NT5C1B: variants seen among roughly 807,000 people sequenced by gnomAD.
NT5C1B encodes cytosolic 5'-nucleotidase 1B.
A neutral mutation model predicts 57.8 loss-of-function variants in NT5C1B; 44 were observed. The ratio of observed to expected loss-of-function variants is 0.76; its 90% CI spans 0.60 to 0.98. The LOEUF (loss-of-function observed/expected upper bound fraction) is 0.98, where lower values mean the gene tolerates loss of function less well. NT5C1B is among the 50% of genes least tolerant of loss of function. NT5C1B has a pLI of 0.00. For missense variants in NT5C1B, 742 were observed against 719.5 expected, an observed-to-expected ratio of 1.03 and a Z score of -0.36; for synonymous variants, 284 against 282.6, an observed-to-expected ratio of 1.00 and a Z score of -0.05.
chr2:18,586,646 TC>T, intron 2 of NT5C1B: 2 of 599,740 alleles, frequency 3.3e-6, no homozygotes, highest in East Asian at 3.0e-5. Context: ...ACATATTTTT[TC>T]ACTGTGACTC....
At chr2:18,576,064 G>GT in intron 8 of NT5C1B, 120 bp downstream of exon 8, 1 of 1,078,236 alleles carries the variant, frequency 9.3e-7, no homozygotes, top group Non-Finnish European at 1.3e-6. Context: ...AGATAAGACA[G>GT]TAAGAAGGAG....
Position 18,584,889 on chromosome 2 carries a change from C to G in NT5C1B, c.348G>C (p.Ser116=). 6.3e-7 allele frequency: 1 copy of G among 1,580,460 alleles called. No homozygotes were observed. Among genetic ancestry groups the G allele is most frequent in the Non-Finnish European group, 8.6e-7 (1 of 1,167,276 alleles). The stretch of plus-strand genomic sequence containing the variant: ...GCTGGGGCGACGCGGGTGGCTGGAG[C>G]GAGGGCTGCCCGGACAGCGGCGGCG... The change falls in exon 4 of 9, where the codon TCG becomes TCC. Residue 116 remains serine, a synonymous_variant. Transcript: ENST00000304081. The surrounding 1 kb of genome is among the most constrained non-coding windows in gnomAD (Gnocchi z 5.8).
Position 18,576,375 on chromosome 2 carries a change from G to T in NT5C1B, c.1145-7C>A. The T allele has an allele frequency of 6.2e-7, 1 of 1,608,480 alleles. No homozygotes were observed. The highest frequency in any genetic ancestry group is 8.5e-7 in the Non-Finnish European group (1 of 1,178,334). ...ATTGTCGCAGAGGCAATACCTGATAGATCATGGAGACTGATTAATACTCTT... is the reference window on the plus strand; with the variant it reads ...ATTGTCGCAGAGGCAATACCTGATATATCATGGAGACTGATTAATACTCTT... On this transcript the variant is annotated splice_polypyrimidine_tract_variant and splice_region_variant and intron_variant, in intron 7 of 8. Transcript: ENST00000304081.
chr2:18,587,410 G>A, intron 2 of NT5C1B, 93 bp downstream of exon 2: 1 of 1,561,892 alleles, frequency 6.4e-7, no homozygotes, highest in Non-Finnish European at 8.6e-7. Context: ...TCAACAGCTT[G>A]GTCTTCTCTC....
rs534126482 is a variant in NT5C1B at position 18,583,083 on chromosome 2, C to T, written c.892-86G>A. On this transcript the variant is annotated intron_variant, in intron 5 of 8. Transcript: ENST00000304081. ...CGGAGAGGAAGCATCTCATCAGAGTCAAATTCAAGCTCTGAAGAATCTTCA... is the reference window on the plus strand; with the variant it reads ...CGGAGAGGAAGCATCTCATCAGAGTTAAATTCAAGCTCTGAAGAATCTTCA... The T allele has an allele frequency of 5.2e-5, 77 of 1,487,136 alleles. No individual in the cohort carries two copies. The African/African-American group carries it at 8.8e-4, about 17-fold the overall frequency. The allele number at this position is 1,487,136 out of a possible 1,614,324, so 92.1% of individuals were successfully genotyped here. A position where few individuals can be genotyped will look rare whatever the true frequency, so the allele number is the denominator to read the frequency against.
chr2:18,588,963 C>G (rs1666964396), intron 1 of NT5C1B, among the ~76,000 whole-genome samples: 1 of 152,192 alleles, frequency 6.6e-6, no homozygotes, highest in Admixed American at 6.5e-5. Flanking sequence ...ATGGTCTCCT[C>G]TTCTCTCCTG....
chr2:18,585,281 A>G, intron 3 of NT5C1B: 1 of 639,190 alleles, frequency 1.6e-6, no homozygotes, highest in Non-Finnish European at 2.9e-6. Context: ...CAGCTGACAC[A>G]TGGTTTGCAA....
In NT5C1B at chr2:18,579,415, C is replaced by T. The variant is rs530413746; in HGVS notation, c.1022-2520G>A. Among the ~76,000 whole-genome samples the T allele has an allele frequency of 2.6e-5, 4 of 152,224 alleles. No homozygotes were observed. The South Asian group carries it at 8.3e-4, about 32-fold the overall frequency. On this transcript the variant is annotated intron_variant, in intron 6 of 8. Transcript: ENST00000304081. ...TACTACAAAGATACAATAACTAAAACAGCATGGTGCCGGTATAAAAACAGA... is the reference window on the plus strand; with the variant it reads ...TACTACAAAGATACAATAACTAAAATAGCATGGTGCCGGTATAAAAACAGA...
intron 2 of NT5C1B, 187 bp downstream of exon 2, chr2:18,587,316 A>T: frequency 6.8e-7 from 1 of 1,475,254 alleles, no homozygotes; most frequent in Non-Finnish European, 9.0e-7. Flanking sequence ...ACACTAGGGT[A>T]TGGATGGAGG....
At chr2:18,589,399 C>T (rs373567535) in intron 1 of NT5C1B, 40 bp downstream of exon 1, 2 of 1,613,924 alleles carry the variant, frequency 1.2e-6, no homozygotes, top group East Asian at 2.2e-5. Context: ...CACATTTCTT[C>T]AGCCCCATGG....
exon 3 of NT5C1B, chr2:18,586,267 T>C (rs754669805): frequency 5.6e-6 from 9 of 1,614,134 alleles, no homozygotes; most frequent in Non-Finnish European, 7.6e-6. Context: ...AGCACTGGTG[T>C]TCCTGCTTCT....
rs200718134 is a variant in NT5C1B at position 18,584,045 on chromosome 2, G to A, written c.891+43C>T. On this transcript the variant is annotated intron_variant, in intron 5 of 8. Coordinates refer to ENST00000304081, the Ensembl canonical transcript of NT5C1B. The surrounding 1 kb of genome is among the most constrained non-coding windows in gnomAD (Gnocchi z 5.8). ...AAGGGTTGGCCTGGGTCCCTCCCTC[G>A]CCATCGAGTGTCCTGGCGGGCCAAA... 4.4e-5 allele frequency: 71 copies of A among 1,614,020 alleles called. No individual in the cohort carries two copies. The Admixed American group carries it at 9.2e-4, about 21-fold the overall frequency.
At chr2:18,564,434 T>C (rs180769242) in intron 8 of NT5C1B, among the ~76,000 whole-genome samples, 142 of 152,352 alleles carry the variant, frequency 9.3e-4, no homozygotes, top group African/African-American at 3.3e-3. Context: ...AAACTATCCA[T>C]GGTAAGCTGG....
In NT5C1B at chr2:18,567,421, AG is replaced by A. The variant is rs148598017; in HGVS notation, c.1330-3303del. On this transcript the variant is annotated intron_variant, in intron 8 of 8. Transcript: ENST00000304081. ...TATTGGCTATCACTGGGGCATGGCAAGATCCAGGATGTTCATCCCTAAGCCC... is the reference window on the plus strand; with the variant it reads ...TATTGGCTATCACTGGGGCATGGCAAATCCAGGATGTTCATCCCTAAGCCC... Among the ~76,000 whole-genome samples the A allele has an allele frequency of 7.8e-3, 1,190 of 152,338 alleles. 19 individuals carry two copies. Among genetic ancestry groups the A allele is most frequent in the African/African-American group, 0.027 (1,138 of 41,578 alleles).
At chr2:18,568,063 G>T (rs1664805406) in intron 8 of NT5C1B, among the ~76,000 whole-genome samples, 1 of 147,842 alleles carries the variant, frequency 6.8e-6, no homozygotes, top group South Asian at 2.2e-4. Context: ...GGGGAAAAAA[G>T]AGCAGAGCAT....
At chr2:18,574,656 A>G (rs1665512182) in intron 8 of NT5C1B, among the ~76,000 whole-genome samples, 1 of 152,120 alleles carries the variant, frequency 6.6e-6, no homozygotes, top group Non-Finnish European at 1.5e-5. Context: ...GCCTTTAAAA[A>G]GAAGGAAATA....
At chr2:18,564,006 T>C (rs977398614) in exon 9 of NT5C1B, 1 of 1,614,056 alleles carries the variant, frequency 6.2e-7, no homozygotes, top group Non-Finnish European at 8.5e-7. Flanking sequence ...CTGAACTGGC[T>C]GCACTCCTAG....
intron 8 of NT5C1B, among the ~76,000 whole-genome samples, chr2:18,566,657 C>T (rs892644784): frequency 6.6e-6 from 1 of 152,148 alleles, no homozygotes; most frequent in Admixed American, 6.5e-5. Context: ...GTACCCATCT[C>T]ATTCTCTTTT....
chr2:18,575,995 T>A (rs747803237), intron 8 of NT5C1B, among the ~76,000 whole-genome samples, 189 bp downstream of exon 8: 2 of 152,086 alleles, frequency 1.3e-5, no homozygotes, highest in Non-Finnish European at 2.9e-5. Flanking sequence ...AAAAATAAAG[T>A]TGTCAGCAGT....
Sources: gnomAD v4.1 joint callset for allele counts (sites outside exome capture counted in the v4.1 genomes callset) on GRCh38, gnomAD v4.1.1 for gene constraint, Gnocchi (gnomAD v3.1) non-coding constraint, MANE v1.5 for transcripts, NCBI Gene and HGNC (gene_info 2026-07-23, HGNC 2026-07-21) for gene names.